Variants in CADM2 observed in about 807,000 individuals in gnomAD.
CADM2 encodes the protein immunoglobulin superfamily member 4D.
CADM2 carries 12 observed loss-of-function variants against 49.8 expected under a neutral mutation model. That is an observed-to-expected ratio of 0.24 (90% CI 0.15 to 0.39). The LOEUF is 0.39. Among genes scored for constraint, CADM2 ranks in the 10% least tolerant of loss-of-function variants. The pLI is 1.00. For synonymous variants in CADM2, 214 were observed against 175.4 expected (o/e 1.22, Z -1.74); for missense variants, 378 against 492.3 (o/e 0.77, Z 2.20).
At chr3:85,701,173 A>C (rs2066741461) in intron 1 of CADM2, among the ~76,000 whole-genome samples, 1 of 152,094 alleles carries the variant, frequency 6.6e-6, no homozygotes, top group African/African-American at 2.4e-5. Context: ...ATAAGAGGGG[A>C]GGTACTGCAC....
intron 2 of CADM2, among the ~76,000 whole-genome samples, chr3:85,728,991 A>G (rs2107789923): frequency 6.6e-6 from 1 of 152,234 alleles, no homozygotes; most frequent in African/African-American, 2.4e-5. Context: ...GACATAATAT[A>G]CCTGAATTTT....
At chr3:86,012,924 G>C in intron 8 of CADM2, 2 of 626,790 alleles carry the variant, frequency 3.2e-6, no homozygotes, top group East Asian at 3.1e-5. Flanking sequence ...GCAGTGAGCC[G>C]AGATCGCGCC....
intron 1 of CADM2, among the ~76,000 whole-genome samples, chr3:85,251,141 T>C (rs1438810535): frequency 6.6e-6 from 1 of 151,894 alleles, no homozygotes; most frequent in Non-Finnish European, 1.5e-5. Flanking sequence ...CAGTAACCAT[T>C]ATTGAATATG....
At chr3:85,513,115 A>G (rs2060810699) in intron 1 of CADM2, among the ~76,000 whole-genome samples, 1 of 152,074 alleles carries the variant, frequency 6.6e-6, no homozygotes, top group East Asian at 1.9e-4. Flanking sequence ...TAATTATTTT[A>G]AATTTAGCCT....
intron 1 of CADM2, among the ~76,000 whole-genome samples, chr3:85,614,367 A>AAT (rs929663009): frequency 4.6e-5 from 7 of 151,574 alleles, no homozygotes; most frequent in Non-Finnish European, 7.4e-5. Context: ...TTTTGTAGTG[A>AAT]ATATATATAC....
At chr3:85,641,918 G>A (rs147262630) in intron 1 of CADM2, among the ~76,000 whole-genome samples, 272 of 152,050 alleles carry the variant, frequency 1.8e-3, no homozygotes, top group African/African-American at 6.3e-3. Flanking sequence ...GCAACAGAGC[G>A]AGACTCCGTC....
intron 3 of CADM2, among the ~76,000 whole-genome samples, chr3:85,847,629 C>A (rs539496453): frequency 1.3e-5 from 2 of 151,984 alleles, no homozygotes; most frequent in Non-Finnish European, 2.9e-5. Context: ...CTTTAGAGTA[C>A]CTATTAGCAC....
intron 1 of CADM2, among the ~76,000 whole-genome samples, chr3:85,717,279 TGATTTG>T (rs2067327931): frequency 6.6e-6 from 1 of 152,190 alleles, no homozygotes; most frequent in Admixed American, 6.5e-5. Flanking sequence ...ACTTTGCTCA[TGATTTG>T]GCTCTCTGTT....
At chr3:85,532,119 G>C (rs1296373081) in intron 1 of CADM2, among the ~76,000 whole-genome samples, 1 of 152,156 alleles carries the variant, frequency 6.6e-6, no homozygotes, top group African/African-American at 2.4e-5. Flanking sequence ...GGAGCTTGCA[G>C]TGAGCCGAGA....
chr3:85,953,523 C>T (rs1470621255), intron 7 of CADM2, among the ~76,000 whole-genome samples: 1 of 150,800 alleles, frequency 6.6e-6, no homozygotes, highest in Non-Finnish European at 1.5e-5. Flanking sequence ...TATAATTAAA[C>T]ACCGTAATCA....
chr3:85,079,721 T>A (rs1575821773), intron 1 of CADM2, among the ~76,000 whole-genome samples: 1 of 151,808 alleles, frequency 6.6e-6, no homozygotes, highest in Admixed American at 6.6e-5. Flanking sequence ...ATAAAAAAAA[T>A]TACATAGCAA....
At chr3:85,454,713 C>A (rs2037914667) in intron 1 of CADM2, among the ~76,000 whole-genome samples, 1 of 152,124 alleles carries the variant, frequency 6.6e-6, no homozygotes, top group Admixed American at 6.5e-5. Flanking sequence ...CCCATTAACT[C>A]AACAAATATT....
intron 2 of CADM2, among the ~76,000 whole-genome samples, chr3:85,729,292 T>C (rs1286963151): frequency 6.6e-6 from 1 of 152,184 alleles, no homozygotes; most frequent in Non-Finnish European, 1.5e-5. Flanking sequence ...CTTGAAAAGA[T>C]CAACTATTGT....
chr3:85,073,942 A>G (rs2036848890), intron 1 of CADM2, among the ~76,000 whole-genome samples: 1 of 152,182 alleles, frequency 6.6e-6, no homozygotes, highest in African/African-American at 2.4e-5. Flanking sequence ...ACTACCAAGA[A>G]TAACGTGTAT....
chr3:85,051,141 A>C (rs1379786986), intron 1 of CADM2, among the ~76,000 whole-genome samples: 2 of 152,200 alleles, frequency 1.3e-5, no homozygotes, highest in Non-Finnish European at 2.9e-5. Flanking sequence ...TGACATTCAA[A>C]AACTTTGTAG....
At chr3:84,994,215 A>G (rs1464865900) in intron 1 of CADM2, among the ~76,000 whole-genome samples, 1 of 152,168 alleles carries the variant, frequency 6.6e-6, no homozygotes, top group African/African-American at 2.4e-5. Flanking sequence ...CTGACTCTCT[A>G]AGTTTGAAGA....
intron 1 of CADM2, among the ~76,000 whole-genome samples, chr3:84,984,374 A>C (rs1308921049): frequency 6.8e-6 from 1 of 147,206 alleles, no homozygotes; most frequent in Non-Finnish European, 1.5e-5. Flanking sequence ...AAAAAAAAAA[A>C]AAAAAAAAAA....
At chr3:85,119,246 TA>T (rs1559673156) in intron 1 of CADM2, among the ~76,000 whole-genome samples, 1 of 152,022 alleles carries the variant, frequency 6.6e-6, no homozygotes, top group Non-Finnish European at 1.5e-5. Flanking sequence ...ACCCTGTCTC[TA>T]CAAAAAAAAT....
intron 1 of CADM2, among the ~76,000 whole-genome samples, chr3:85,491,343 A>G (rs1246559046): frequency 6.6e-6 from 1 of 152,146 alleles, no homozygotes; most frequent in Admixed American, 6.5e-5. Flanking sequence ...AAAAATACCT[A>G]ATGACAATGT....
Sources: allele counts gnomAD v4.1 joint callset (sites outside exome capture counted in the v4.1 genomes callset), GRCh38; gene constraint gnomAD v4.1.1; transcripts MANE v1.5; gene names NCBI Gene and HGNC (gene_info 2026-07-23, HGNC 2026-07-21).